Variants in DIRAS2 observed in about 807,000 individuals in gnomAD.
DIRAS2 encodes GTP-binding protein Di-Ras2.
Under a neutral mutation model 13.9 loss-of-function variants are expected in DIRAS2, and 5 were observed. The ratio of observed to expected loss-of-function variants is 0.36; its 90% CI spans 0.19 to 0.76. The LOEUF is 0.76. DIRAS2 is among the 30% of genes least tolerant of loss of function. The pLI, the probability that DIRAS2 is intolerant of heterozygous loss-of-function variation, is 0.53. For synonymous variants in DIRAS2, 111 were observed against 105.4 expected, an observed-to-expected ratio of 1.05 and a Z score of -0.33; for missense variants, 191 against 263.0, an observed-to-expected ratio of 0.73 and a Z score of 1.89.
chr9:90,641,854 T>C (rs1825421778), intron 1 of DIRAS2, among the ~76,000 whole-genome samples: 2 of 152,208 alleles, frequency 1.3e-5, no homozygotes, highest in African/African-American at 4.8e-5. Context: ...AAGGGATCCA[T>C]TTAAAAGATA....
At chr9:90,635,661 C>T (rs79545210) in intron 1 of DIRAS2, among the ~76,000 whole-genome samples, 1 of 152,232 alleles carries the variant, frequency 6.6e-6, no homozygotes, top group African/African-American at 2.4e-5. Flanking sequence ...AGCCTTAACA[C>T]TAGGGGCAAA....
rs977543168 is a variant in DIRAS2, at chr9:90,611,229, A to G, written c.*1999T>C. On this transcript the variant is annotated 3_prime_UTR_variant, in exon 2 of 2. Coordinates refer to ENST00000375765, the MANE Select transcript of DIRAS2 (RefSeq NM_017594.5). Reference sequence around the variant, plus strand: ...GATCTCATTGCGAATGCTGTGCAACAGCTTTTTAGAACAGAACAATCCTGC... The same window carrying G: ...GATCTCATTGCGAATGCTGTGCAACGGCTTTTTAGAACAGAACAATCCTGC... 6.6e-6 allele frequency: 1 copy of G among 152,220 alleles called. No homozygotes were observed. Among genetic ancestry groups the G allele is most frequent in the African/African-American group, 2.4e-5 (1 of 41,444 alleles). 9.4% of individuals were successfully genotyped at this position (152,220 alleles called of 1,614,324 possible).
Position 90,635,761 on chromosome 9 carries a change from T to C in DIRAS2, c.-37+6991A>G, listed in dbSNP as rs1204347928. 2.6e-5 allele frequency among the ~76,000 whole-genome samples: 4 copies of C among 152,268 alleles called. No homozygotes were observed. In the East Asian group the frequency reaches 7.7e-4, roughly 29 times the overall value. On this transcript the variant is annotated intron_variant, in intron 1 of 1. Coordinates refer to ENST00000375765, the MANE Select transcript of DIRAS2 (RefSeq NM_017594.5). ...TCTCATTTGTCAGTCTTTGCCGGTC[T>C]TAAGAGAAGGTAATGGAAGACAAGA...
chr9:90,624,695 A>G (rs765134480), intron 1 of DIRAS2, among the ~76,000 whole-genome samples: 11 of 152,042 alleles, frequency 7.2e-5, no homozygotes, highest in Non-Finnish European at 1.3e-4. Context: ...CCAAAGAGCC[A>G]AATAAAACAT....
chr9:90,631,986 C>T (rs1040336117), intron 1 of DIRAS2, among the ~76,000 whole-genome samples: 8 of 152,234 alleles, frequency 5.3e-5, no homozygotes, highest in African/African-American at 1.9e-4. Context: ...CAAGTCCACT[C>T]CATCAGCAAC....
intron 1 of DIRAS2, among the ~76,000 whole-genome samples, chr9:90,622,541 T>C (rs1825229498): frequency 1.3e-5 from 2 of 152,064 alleles, no homozygotes; most frequent in African/African-American, 4.8e-5. Flanking sequence ...CATGTGCTGG[T>C]ATAAACAATA....
intron 1 of DIRAS2, among the ~76,000 whole-genome samples, chr9:90,639,864 A>G (rs1825403032): frequency 6.6e-6 from 1 of 152,212 alleles, no homozygotes; most frequent in Non-Finnish European, 1.5e-5. Context: ...GATCATTTGT[A>G]TATTTATTTT....
At chr9:90,620,681 A>G (rs1239882651) in intron 1 of DIRAS2, among the ~76,000 whole-genome samples, 1 of 151,888 alleles carries the variant, frequency 6.6e-6, no homozygotes, top group African/African-American at 2.4e-5. Context: ...GCTTGAACCC[A>G]GGAGCAGAGA....
chr9:90,625,392 A>C (rs139270495), intron 1 of DIRAS2, among the ~76,000 whole-genome samples: 4 of 152,362 alleles, frequency 2.6e-5, no homozygotes, highest in Admixed American at 6.5e-5. Context: ...AGAATCCATT[A>C]CTGAATCCAA....
At chr9:90,636,784 T>C (rs953192636) in intron 1 of DIRAS2, among the ~76,000 whole-genome samples, 1 of 152,236 alleles carries the variant, frequency 6.6e-6, no homozygotes, top group African/African-American at 2.4e-5. Flanking sequence ...TACATGGAAG[T>C]ATGGTATACA....
At chr9:90,640,891 A>G (rs1269129597) in intron 1 of DIRAS2, among the ~76,000 whole-genome samples, 1 of 152,248 alleles carries the variant, frequency 6.6e-6, no homozygotes, top group Non-Finnish European at 1.5e-5. Flanking sequence ...AATTTTCAAC[A>G]TATCAACTCT....
Position 90,612,448 on chromosome 9 carries a change from C to A in DIRAS2, c.*780G>T, listed in dbSNP as rs1028018049. ...AGGTCAAAAGAAGAAAATCACATTTCTAAAACCCTCGATGTATAACACACA... is the reference window on the plus strand; with the variant it reads ...AGGTCAAAAGAAGAAAATCACATTTATAAAACCCTCGATGTATAACACACA... On this transcript the variant is annotated 3_prime_UTR_variant, in exon 2 of 2. Coordinates refer to ENST00000375765, the MANE Select transcript of DIRAS2 (RefSeq NM_017594.5). The A allele has an allele frequency of 3.3e-5, 5 of 152,546 alleles. No homozygotes were observed. Among genetic ancestry groups the A allele is most frequent in the Non-Finnish European group, 7.3e-5 (5 of 68,036 alleles). 9.4% of individuals were successfully genotyped at this position (152,546 alleles called of 1,614,324 possible). A position where few individuals can be genotyped will look rare whatever the true frequency, so the allele number is the denominator to read the frequency against.
At chr9:90,641,545 T>C (rs934479040) in intron 1 of DIRAS2, among the ~76,000 whole-genome samples, 1 of 152,130 alleles carries the variant, frequency 6.6e-6, no homozygotes, top group East Asian at 1.9e-4. Flanking sequence ...TTTCCAGAGA[T>C]AGATAAAATT....
At chr9:90,618,229 T>C (rs1369537408) in intron 1 of DIRAS2, among the ~76,000 whole-genome samples, 2 of 152,184 alleles carry the variant, frequency 1.3e-5, no homozygotes, top group Non-Finnish European at 2.9e-5. Flanking sequence ...CACAGATACA[T>C]GAACAGAATA....
intron 1 of DIRAS2, among the ~76,000 whole-genome samples, chr9:90,629,052 C>T (rs1421125044): frequency 6.6e-6 from 1 of 151,786 alleles, no homozygotes; most frequent in Non-Finnish European, 1.5e-5. Flanking sequence ...GACGGGGTTT[C>T]ACCGTGTAAG....
intron 1 of DIRAS2, among the ~76,000 whole-genome samples, chr9:90,628,104 A>G (rs1356218647): frequency 6.6e-6 from 1 of 152,206 alleles, no homozygotes; most frequent in Non-Finnish European, 1.5e-5. Context: ...TAATATCTTG[A>G]GAAGACCAAT....
intron 1 of DIRAS2, among the ~76,000 whole-genome samples, chr9:90,622,179 G>T (rs1212611692): frequency 6.6e-6 from 1 of 152,168 alleles, no homozygotes; most frequent in African/African-American, 2.4e-5. Flanking sequence ...TTCAGCCCAG[G>T]AATGTGAGGT....
At chr9:90,633,086 G>A (rs113981025) in intron 1 of DIRAS2, among the ~76,000 whole-genome samples, 20 of 152,108 alleles carry the variant, frequency 1.3e-4, no homozygotes, top group African/African-American at 4.6e-4. Context: ...GTTGCCAGGG[G>A]AAGCCATGTG....
intron 1 of DIRAS2, among the ~76,000 whole-genome samples, chr9:90,642,257 C>G (rs1341459074): frequency 1.3e-5 from 2 of 152,204 alleles, no homozygotes; most frequent in African/African-American, 4.8e-5. Context: ...ATGTAGATAT[C>G]ATGAAACACA....
Sources: gnomAD v4.1 joint callset for allele counts (sites outside exome capture counted in the v4.1 genomes callset) on GRCh38, gnomAD v4.1.1 for gene constraint, MANE v1.5 for transcripts, NCBI Gene and HGNC (gene_info 2026-07-23, HGNC 2026-07-21) for gene names.